Variants in NYAP2 observed in about 807,000 individuals in gnomAD.
NYAP2 encodes neuronal tyrosine-phosphorylated phosphoinositide-3-kinase adaptor 2.
A neutral mutation model predicts 50.4 loss-of-function variants in NYAP2; 23 were observed. The ratio of observed to expected loss-of-function variants is 0.46; its 90% CI spans 0.33 to 0.65. The LOEUF (loss-of-function observed/expected upper bound fraction) is 0.65, where lower values mean the gene tolerates loss of function less well. NYAP2 is among the 30% of genes least tolerant of loss of function. The pLI, the probability that NYAP2 is intolerant of heterozygous loss-of-function variation, is 0.02. For synonymous variants in NYAP2, 394 were observed against 365.2 expected, an observed-to-expected ratio of 1.08 and a Z score of -0.90; for missense variants, 885 against 861.0, an observed-to-expected ratio of 1.03 and a Z score of -0.35.
At chr2:225,439,199 G>A (rs1263738379) in intron 3 of NYAP2, among the ~76,000 whole-genome samples, 1 of 152,158 alleles carries the variant, frequency 6.6e-6, no homozygotes, top group Non-Finnish European at 1.5e-5. Flanking sequence ...TTTAAAGGAT[G>A]TACTTGAGGA....
At chr2:225,609,986 C>T (rs577595719) in intron 5 of NYAP2, among the ~76,000 whole-genome samples, 31 of 152,190 alleles carry the variant, frequency 2.0e-4, no homozygotes, top group African/African-American at 5.5e-4. Flanking sequence ...AGTCATATAA[C>T]CTCATTGTGC....
the NYAP2 span, among the ~76,000 whole-genome samples, chr2:225,659,315 G>T: frequency 5.9e-5 from 9 of 152,184 alleles, no homozygotes; most frequent in Non-Finnish European, 1.0e-4. Context: ...GGGACAAAAA[G>T]TTATTCAGGG....
At chr2:225,645,120 T>A (rs997728848) in intron 6 of NYAP2, among the ~76,000 whole-genome samples, 1 of 151,900 alleles carries the variant, frequency 6.6e-6, no homozygotes, top group African/African-American at 2.4e-5. Context: ...TAGCCGTCCA[T>A]GGTGGCATGC....
intron 3 of NYAP2, among the ~76,000 whole-genome samples, chr2:225,500,271 G>A (rs921907661): frequency 1.3e-5 from 2 of 152,208 alleles, no homozygotes; most frequent in East Asian, 3.8e-4. Context: ...ACGTGTAACT[G>A]CAGAGTTATC....
chr2:225,497,090 C>A (rs949580068), intron 3 of NYAP2, among the ~76,000 whole-genome samples: 1 of 152,050 alleles, frequency 6.6e-6, no homozygotes, highest in Non-Finnish European at 1.5e-5. Context: ...AGCGGATAAT[C>A]CAAGTGCCTT....
chr2:225,639,109 A>C (rs1693479711), intron 6 of NYAP2, among the ~76,000 whole-genome samples: 1 of 152,122 alleles, frequency 6.6e-6, no homozygotes. Flanking sequence ...TCTAAAGCAC[A>C]AGAAAGACCT....
chr2:225,657,591 TAAA>T (rs78616843), downstream of NYAP2, among the ~76,000 whole-genome samples: 3 of 77,152 alleles, frequency 3.9e-5, no homozygotes, highest in Non-Finnish European at 8.4e-5. Flanking sequence ...AAAACTGCTC[TAAA>T]AAAAAAAAAA....
chr2:225,538,693 C>T (rs1046299737), intron 4 of NYAP2, among the ~76,000 whole-genome samples: 1 of 152,124 alleles, frequency 6.6e-6, no homozygotes, highest in Non-Finnish European at 1.5e-5. Flanking sequence ...TTAATATTGG[C>T]CTCCTTGTTA....
intron 3 of NYAP2, among the ~76,000 whole-genome samples, chr2:225,430,316 A>G (rs190489571): frequency 3.9e-5 from 6 of 152,324 alleles, no homozygotes; most frequent in Admixed American, 3.3e-4. Context: ...CCAAATATAG[A>G]ATAATCAGAC....
At chr2:225,432,017 C>T (rs1015504714) in intron 3 of NYAP2, among the ~76,000 whole-genome samples, 8 of 151,856 alleles carry the variant, frequency 5.3e-5, no homozygotes, top group African/African-American at 1.9e-4. Flanking sequence ...TCACCCAGGC[C>T]GGAGTGCAGT....
chr2:225,458,187 A>G (rs1689769382), intron 3 of NYAP2, among the ~76,000 whole-genome samples: 2 of 151,928 alleles, frequency 1.3e-5, no homozygotes, highest in Non-Finnish European at 2.9e-5. Flanking sequence ...TGTATTCTAC[A>G]TGTTGTTATT....
intron 3 of NYAP2, among the ~76,000 whole-genome samples, chr2:225,511,366 A>ACG (rs1394231933): frequency 1.1e-3 from 159 of 144,298 alleles, no homozygotes; most frequent in African/African-American, 3.9e-3. Flanking sequence ...ACACACACAC[A>ACG]CACACACAGA....
At chr2:225,464,824 A>T (rs1689891050) in intron 3 of NYAP2, among the ~76,000 whole-genome samples, 1 of 152,242 alleles carries the variant, frequency 6.6e-6, no homozygotes, top group African/African-American at 2.4e-5. Context: ...AGAGACGATC[A>T]TTGACTGAGC....
chr2:225,555,243 A>G (rs1691757145), intron 4 of NYAP2, among the ~76,000 whole-genome samples: 1 of 152,156 alleles, frequency 6.6e-6, no homozygotes, highest in Non-Finnish European at 1.5e-5. Context: ...GGAGGAGAAA[A>G]ACAAGCGTTT....
intron 4 of NYAP2, among the ~76,000 whole-genome samples, chr2:225,529,989 G>C (rs1261703843): frequency 6.6e-6 from 1 of 152,144 alleles, no homozygotes; most frequent in South Asian, 2.1e-4. Context: ...TTGCAGGCGT[G>C]AGCCACCGTG....
chr2:225,572,862 T>C (rs1692098844), intron 4 of NYAP2, among the ~76,000 whole-genome samples: 2 of 152,144 alleles, frequency 1.3e-5, no homozygotes, highest in African/African-American at 4.8e-5. Flanking sequence ...TGCTCCATGG[T>C]CTTAAGGTTT....
chr2:225,597,531 G>C (rs377598343), intron 5 of NYAP2, among the ~76,000 whole-genome samples: 2 of 28,198 alleles, frequency 7.1e-5, no homozygotes, highest in Admixed American at 5.0e-4. Flanking sequence ...ATATATATAT[G>C]TATCACAATT....
At chr2:225,667,624 C>T in the NYAP2 span, among the ~76,000 whole-genome samples, 53 of 152,218 alleles carry the variant, frequency 3.5e-4, 1 homozygote, top group African/African-American at 1.1e-3. Flanking sequence ...TTCTGATTCC[C>T]TGAGATCATC....
chr2:225,435,048 T>C (rs992909497), intron 3 of NYAP2, among the ~76,000 whole-genome samples: 7 of 152,234 alleles, frequency 4.6e-5, no homozygotes, highest in Admixed American at 3.3e-4. Flanking sequence ...TTTTATCTCA[T>C]GGTACTACTC....
Sources: gnomAD v4.1 joint callset for allele counts (sites outside exome capture counted in the v4.1 genomes callset) on GRCh38, gnomAD v4.1.1 for gene constraint, MANE v1.5 for transcripts, NCBI Gene and HGNC (gene_info 2026-07-23, HGNC 2026-07-21) for gene names.